ZNF292: variants seen among roughly 807,000 people sequenced by gnomAD.
ZNF292 encodes the protein zinc finger protein 292, also known as 16 zinc-finger domain protein.
ZNF292 carries 26 observed loss-of-function variants against 217.9 expected under a neutral mutation model. That is an observed-to-expected ratio of 0.12 (90% confidence interval 0.09 to 0.17). The LOEUF (loss-of-function observed/expected upper bound fraction) is 0.17. Ranked by LOEUF, ZNF292 falls within the 10% of genes least tolerant of loss-of-function variation. The pLI is 1.00. For synonymous variants in ZNF292, 1,257 were observed against 1,124.1 expected, an observed-to-expected ratio of 1.12 and a Z score of -2.37; for missense variants, 2,904 against 3,175.2, an observed-to-expected ratio of 0.91 and a Z score of 2.05.
intron 5 of ZNF292, 66 bp from the exon 6 acceptor site, chr6:87,243,409 G>A: frequency 7.9e-7 from 1 of 1,273,354 alleles, no homozygotes; most frequent in Non-Finnish European, 1.0e-6. Context: ...GAAAACTAAA[G>A]GTATATTGCT....
At chr6:87,211,897 A>G (rs1283882219) in intron 1 of ZNF292, among the ~76,000 whole-genome samples, 1 of 152,126 alleles carries the variant, frequency 6.6e-6, no homozygotes, top group East Asian at 1.9e-4. Flanking sequence ...GTCTGTTCAT[A>G]TGTGTATAAA....
At chr6:87,205,469 A>G (rs989788989) in intron 1 of ZNF292, among the ~76,000 whole-genome samples, 1 of 151,074 alleles carries the variant, frequency 6.6e-6, no homozygotes, top group East Asian at 1.9e-4. Flanking sequence ...ATTTTTTTCT[A>G]TTTCTTTGTG....
At chr6:87,165,846 C>T (rs1204592768) in intron 1 of ZNF292, among the ~76,000 whole-genome samples, 4 of 150,434 alleles carry the variant, frequency 2.7e-5, no homozygotes, top group African/African-American at 9.8e-5. Flanking sequence ...GCAACCTCTG[C>T]CTCCAGGTTT....
intron 1 of ZNF292, among the ~76,000 whole-genome samples, chr6:87,203,168 G>T (rs369257717): frequency 2.1e-5 from 3 of 141,944 alleles, no homozygotes; most frequent in African/African-American, 8.0e-5. Context: ...GTGAGACAGG[G>T]CTCACTGTGT....
intron 1 of ZNF292, among the ~76,000 whole-genome samples, chr6:87,186,566 G>C (rs2127780724): frequency 6.6e-6 from 1 of 152,292 alleles, no homozygotes; most frequent in Non-Finnish European, 1.5e-5. Flanking sequence ...AAGTAAATAA[G>C]ATTTCAGGTA....
At chr6:87,207,059 C>T (rs1772277907) in intron 1 of ZNF292, among the ~76,000 whole-genome samples, 1 of 152,196 alleles carries the variant, frequency 6.6e-6, no homozygotes, top group African/African-American at 2.4e-5. Context: ...TCGCTAATAA[C>T]ACTCATGGTG....
intron 1 of ZNF292, among the ~76,000 whole-genome samples, chr6:87,201,393 TTTG>T (rs533666842): frequency 2.0e-5 from 3 of 152,238 alleles, no homozygotes; most frequent in East Asian, 3.9e-4. Flanking sequence ...CATCCTAAAG[TTTG>T]TTGTTGTTGT....
chr6:87,231,331 A>C (rs895131017), intron 4 of ZNF292, among the ~76,000 whole-genome samples: 3 of 151,838 alleles, frequency 2.0e-5, no homozygotes, highest in Non-Finnish European at 2.9e-5. Flanking sequence ...AATAGAAAAA[A>C]AAAAATTCTT....
chr6:87,178,847 AAG>A (rs2127776915), intron 1 of ZNF292, among the ~76,000 whole-genome samples: 1 of 152,310 alleles, frequency 6.6e-6, no homozygotes, highest in Admixed American at 6.5e-5. Context: ...GAATTTGTGA[AAG>A]AAAACTTGAA....
rs532089058 is a variant in ZNF292, at chr6:87,264,941, G to C, written c.*3140G>C. Among the ~76,000 whole-genome samples the C allele has an allele frequency of 1.6e-4, 25 of 152,262 alleles. No individual in the cohort carries two copies. In the South Asian group the frequency reaches 5.2e-3, roughly 32 times the overall value. ...GATGGGAGCCAGAAGAAAGGCTAAC[G>C]AAGTTGGGGAAGAGACTAATGGATA... On this transcript the variant is annotated 3_prime_UTR_variant, in exon 8 of 8. Transcript: ENST00000369577.
chr6:87,200,732 T>G (rs1158708880), intron 1 of ZNF292, among the ~76,000 whole-genome samples: 1 of 152,112 alleles, frequency 6.6e-6, no homozygotes, highest in Non-Finnish European at 1.5e-5. Context: ...GAGCCAGAAG[T>G]TTTAGAATTC....
At chr6:87,160,311 A>G (rs1018170117) in intron 1 of ZNF292, among the ~76,000 whole-genome samples, 1 of 152,216 alleles carries the variant, frequency 6.6e-6, no homozygotes, top group Non-Finnish European at 1.5e-5. Flanking sequence ...CCATTGTAAT[A>G]GTTGATTTGT....
intron 1 of ZNF292, among the ~76,000 whole-genome samples, chr6:87,159,216 CTTAT>C (rs1562115228): frequency 6.6e-6 from 1 of 152,034 alleles, no homozygotes; most frequent in Non-Finnish European, 1.5e-5. Flanking sequence ...AAATGTTTTT[CTTAT>C]TAACAGTGTT....
At chr6:87,220,694 T>C (rs1773036100) in intron 4 of ZNF292, among the ~76,000 whole-genome samples, 1 of 152,222 alleles carries the variant, frequency 6.6e-6, no homozygotes, top group African/African-American at 2.4e-5. Flanking sequence ...GATAATGTGC[T>C]TGATTTCTTT....
rs1280241129 is a variant in ZNF292 at position 87,202,242 on chromosome 6, C to CT, written c.169-13653dup. 6.6e-5 allele frequency among the ~76,000 whole-genome samples: 10 copies of CT among 151,798 alleles called. 1 individual carries two copies. Among genetic ancestry groups the CT allele is most frequent in the Non-Finnish European group, 8.8e-5 (6 of 67,926 alleles). On this transcript the variant is annotated intron_variant, in intron 1 of 7. Coordinates refer to ENST00000369577, the MANE Select transcript of ZNF292 (RefSeq NM_015021.3). ...TTTATTCTTTAAATAAAGTTTTATACTTTTTTTTGAAAAGATCTTATAAAT... is the reference window on the plus strand; with the variant it reads ...TTTATTCTTTAAATAAAGTTTTATACTTTTTTTTTGAAAAGATCTTATAAAT...
Position 87,256,422 on chromosome 6 carries a change from A to G in ZNF292, c.2793A>G (p.Gln931=), listed in dbSNP as rs374628541. 3.1e-5 allele frequency: 50 copies of G among 1,606,794 alleles called. No individual in the cohort carries two copies. The highest frequency in any genetic ancestry group is 4.1e-5 in the Non-Finnish European group (48 of 1,179,600). The change falls in exon 8 of 8, where the codon CAA becomes CAG. Residue 931 remains glutamine, a synonymous_variant. Transcript: ENST00000369577. ...ACCCTGCTACTACTCCTCTACTTCAATCCAGTGAAGTAGCTGTGTCCATTA... is the reference window on the plus strand; with the variant it reads ...ACCCTGCTACTACTCCTCTACTTCAGTCCAGTGAAGTAGCTGTGTCCATTA... ...LENPATTPLL[Q]SSEVAVSIKV...
chr6:87,155,790 T>G, intron 1 of ZNF292, 31 bp downstream of exon 1: 1 of 1,555,832 alleles, frequency 6.4e-7, no homozygotes, highest in Non-Finnish European at 8.7e-7. Flanking sequence ...CCTCCCCCTT[T>G]CCCCAGCTAG....
chr6:87,220,285 GTAA>G (rs1773019448), intron 4 of ZNF292, among the ~76,000 whole-genome samples: 2 of 151,950 alleles, frequency 1.3e-5, no homozygotes, highest in Admixed American at 6.6e-5. Flanking sequence ...TGATATATTA[GTAA>G]TAATATCAAA....
intron 1 of ZNF292, among the ~76,000 whole-genome samples, chr6:87,204,501 A>C (rs1772184751): frequency 2.0e-5 from 3 of 148,234 alleles, no homozygotes; most frequent in South Asian, 4.2e-4. Flanking sequence ...ATTGTTTCAA[A>C]AATTTTTTTT....
Sources: gnomAD v4.1 joint callset for allele counts (sites outside exome capture counted in the v4.1 genomes callset) on GRCh38, gnomAD v4.1.1 for gene constraint, MANE v1.5 for transcripts, NCBI Gene and HGNC (gene_info 2026-07-23, HGNC 2026-07-21) for gene names.